The following LRATD1 variants were observed in gnomAD, a reference collection of about 807,000 sequenced individuals.
The protein encoded by LRATD1 is LRAT domain containing 1.
In LRATD1, 8 loss-of-function variants were observed where a neutral mutation model predicts 21.3. The ratio of observed to expected loss-of-function variants is 0.38; its 90% CI spans 0.22 to 0.68. The LOEUF (loss-of-function observed/expected upper bound fraction) is 0.68. Among genes scored for constraint, LRATD1 ranks in the 30% least tolerant of loss-of-function variants. The probability of loss-of-function intolerance (pLI) is 0.54; values close to 1 mark genes in which losing one functional copy is unlikely to be tolerated. For missense variants in LRATD1, 380 were observed against 404.0 expected (o/e 0.94, Z 0.51); for synonymous variants, 210 against 186.2 (o/e 1.13, Z -1.04).
At chr2:14,646,754 G>C (rs554483205) in intron 4 of LRATD1, among the ~76,000 whole-genome samples, 4 of 152,286 alleles carry the variant, frequency 2.6e-5, no homozygotes, top group Non-Finnish European at 5.9e-5. Flanking sequence ...TCTGGATGAA[G>C]GACCTATTTA....
chr2:14,647,621 C>T (rs907502486), intron 4 of LRATD1, among the ~76,000 whole-genome samples: 1 of 152,028 alleles, frequency 6.6e-6, no homozygotes, highest in Non-Finnish European at 1.5e-5. Context: ...TAAAAAGACA[C>T]TTAAGACCTT....
intron 4 of LRATD1, among the ~76,000 whole-genome samples, chr2:14,647,155 A>G (rs1396557301): frequency 2.6e-5 from 4 of 152,200 alleles, no homozygotes; most frequent in African/African-American, 9.6e-5. Context: ...TCCACCCACA[A>G]TCCTTTGTAC....
At chr2:14,649,148 T>C (rs905828453) in intron 4 of LRATD1, among the ~76,000 whole-genome samples, 4 of 152,112 alleles carry the variant, frequency 2.6e-5, no homozygotes, top group African/African-American at 9.7e-5. Context: ...TTGACCTATG[T>C]TGATAACTCT....
chr2:14,633,853 A>G lies in LRATD1; in HGVS notation c.-36-91A>G. 2 of 1,248,522 alleles carry G rather than the reference A, an allele frequency of 1.6e-6. No homozygotes were observed. The highest frequency in any genetic ancestry group is 2.2e-6 in the Non-Finnish European group (2 of 909,830). The allele number at this position is 1,248,522 out of a possible 1,614,324, so 77.3% of individuals were successfully genotyped here. On this transcript the variant is annotated intron_variant, in intron 1 of 1. Transcript: ENST00000295092. The surrounding 1 kb of genome is among the most constrained non-coding windows in gnomAD (Gnocchi z 7.5). The stretch of plus-strand genomic sequence containing the variant: ...GGTGAGGGCACGTAAGCTAGCCGGC[A>G]GGTCCCAGGGGCACTGCACGTCTTG...
rs1157295782 is a variant in LRATD1, at chr2:14,636,657, A to G, written c.*1799A>G. On this transcript the variant is annotated 3_prime_UTR_variant, in exon 2 of 2. Coordinates refer to ENST00000295092, the MANE Select transcript of LRATD1 (RefSeq NM_145175.4). ...ATAGCATCTATGTCTCTTTCAAGGG[A>G]ATTTGTCAAATAATGCTGTTTAGCT... 6.0e-6 allele frequency: 1 copy of G among 167,140 alleles called. No individual in the cohort carries two copies. The highest frequency in any genetic ancestry group is 1.5e-5 in the Non-Finnish European group (1 of 68,124). The allele number at this position is 167,140 out of a possible 1,614,324, so 10.4% of individuals were successfully genotyped here. A position where few individuals can be genotyped will look rare whatever the true frequency, so the allele number is the denominator to read the frequency against.
rs1184418149 is a variant in LRATD1, at chr2:14,637,188, T to G, written c.*2330T>G. 1 of 167,080 alleles carries G rather than the reference T, an allele frequency of 6.0e-6. No homozygotes were observed. The highest frequency in any genetic ancestry group is 1.9e-4 in the East Asian group (1 of 5,204). The allele number at this position is 167,080 out of a possible 1,614,324, so 10.3% of individuals were successfully genotyped here. ...TTTACTGTGTCCTACTACTGTATCT[T>G]GGCTCCCTGCTGTATTAAACACCAT... On this transcript the variant is annotated 3_prime_UTR_variant, in exon 2 of 2. Transcript: ENST00000295092.
In LRATD1 at chr2:14,633,955, T is replaced by C; in HGVS notation, c.-25T>C. The C allele has an allele frequency of 6.9e-6, 11 of 1,598,966 alleles. No individual in the cohort carries two copies. Among genetic ancestry groups the C allele is most frequent in the Non-Finnish European group, 9.4e-6 (11 of 1,169,810 alleles). On this transcript the variant is annotated 5_prime_UTR_variant, in exon 2 of 2. Transcript: ENST00000295092. The surrounding 1 kb of genome is among the most constrained non-coding windows in gnomAD (Gnocchi z 7.5). ...CTGTGCCTCCGCAGATCCCCGCTCC[T>C]GGCCCTCGCCTCGCCACCTCATTGA...
chr2:14,646,594 GA>G (rs1284815897), intron 4 of LRATD1: 2 of 152,138 alleles, frequency 1.3e-5, no homozygotes, highest in Admixed American at 6.6e-5. Flanking sequence ...CTTTTAATAA[GA>G]AGTTAAATAT....
intron 2 of LRATD1, among the ~76,000 whole-genome samples, chr2:14,645,473 T>C (rs1671878096): frequency 6.6e-6 from 1 of 152,190 alleles, no homozygotes; most frequent in Non-Finnish European, 1.5e-5. Context: ...CCATTTACAG[T>C]GTAAAAACCC....
intron 4 of LRATD1, among the ~76,000 whole-genome samples, chr2:14,648,607 C>A (rs1054989850): frequency 2.0e-5 from 3 of 152,210 alleles, no homozygotes; most frequent in Admixed American, 6.5e-5. Flanking sequence ...CTTTGTCAAA[C>A]CCCTGTAAAC....
chr2:14,634,030 C>G lies in LRATD1; in HGVS notation c.51C>G (p.Pro17=), dbSNP rs1350225928. The G allele has an allele frequency of 5.0e-6, 8 of 1,613,974 alleles. No homozygotes were observed. The highest frequency in any genetic ancestry group is 2.2e-5 in the East Asian group (1 of 44,864). The stretch of plus-strand genomic sequence containing the variant: ...CCCACCTCAACTACAGCGAGTTGCC[C>G]ACAGGGGACCCGTCGGGGATTGAAA... The part of the protein sequence containing the change: ...RITHLNYSEL[P]TGDPSGIEKD... The change falls in exon 2 of 2, where the codon CCC becomes CCG. Residue 17 remains proline (P), a synonymous_variant. Coordinates refer to ENST00000295092, the MANE Select transcript of LRATD1 (RefSeq NM_145175.4).
rs892565200 is a variant in LRATD1 at position 14,635,609 on chromosome 2, G to A, written c.*751G>A. 10 of 471,008 alleles carry A rather than the reference G, an allele frequency of 2.1e-5. No homozygotes were observed. The Admixed American group carries it at 2.3e-4, about 11-fold the overall frequency. 29.2% of individuals were successfully genotyped at this position (471,008 alleles called of 1,614,324 possible). On this transcript the variant is annotated 3_prime_UTR_variant, in exon 2 of 2. Transcript: ENST00000295092. ...TCCCTCGCTGGCAGAAGGGAAGCCGGCCCGGTCCCGGGAGGAAGATGGCGC... is the reference window on the plus strand; with the variant it reads ...TCCCTCGCTGGCAGAAGGGAAGCCGACCCGGTCCCGGGAGGAAGATGGCGC...
At chr2:14,649,651 C>CT (rs745325022), downstream of LRATD1, 27 of 289,302 alleles carry the variant, frequency 9.3e-5, 1 homozygote, top group South Asian at 7.8e-4. Flanking sequence ...TACTGAAGCC[C>CT]TTTGTGCTAG....
rs1378173921 is a variant in LRATD1, at chr2:14,647,651, C to T, written n.436+1186C>T. Among the ~76,000 whole-genome samples the T allele has an allele frequency of 4.6e-5, 7 of 151,946 alleles. No homozygotes were observed. The East Asian group carries it at 1.4e-3, about 29-fold the overall frequency. On this transcript the variant is annotated intron_variant and non_coding_transcript_variant, in intron 4 of 5. Transcript: ENST00000464947. ...GACCTTGCTTTTTCTCTCTATTAGC[C>T]ATGTGAGGATACAATGAGAATATAG... is the stretch of plus-strand genomic sequence containing the variant.
At position 14,637,450 on chromosome 2, in the gene LRATD1, G is replaced by A. The variant is rs1164329764; in HGVS notation, c.*2592G>A. Reference sequence around the variant, plus strand: ...TAGACTGACAATAAAAATGAGCTGGGCAGTTAAATTAGCATTTGTTACTAT... The same window carrying A: ...TAGACTGACAATAAAAATGAGCTGGACAGTTAAATTAGCATTTGTTACTAT... On this transcript the variant is annotated 3_prime_UTR_variant, in exon 2 of 2. Transcript: ENST00000295092. 1 of 166,920 alleles carries A rather than the reference G, an allele frequency of 6.0e-6. No homozygotes were observed. Among genetic ancestry groups the A allele is most frequent in the East Asian group, 1.9e-4 (1 of 5,196 alleles). 10.3% of individuals were successfully genotyped at this position (166,920 alleles called of 1,614,324 possible).
At position 14,634,590 on chromosome 2, in the gene LRATD1, G is replaced by A; in HGVS notation, c.611G>A (p.Ser204Asn). ...QNACGHLGLKSEEICWTNSES... is the reference protein window; with the variant it reads ...QNACGHLGLKNEEICWTNSES... Reference sequence around the variant, plus strand: ...GCCTGCGGCCACCTGGGCCTCAAGAGCGAGGAGATCTGCTGGACGAACTCG... The same window carrying A: ...GCCTGCGGCCACCTGGGCCTCAAGAACGAGGAGATCTGCTGGACGAACTCG... Residue 204 changes from serine to asparagine, a missense_variant, in exon 2 of 2, where the codon AGC (serine) becomes AAC (asparagine). Ser to Asn is a conservative substitution (Grantham distance 46, BLOSUM62 1). Transcript: ENST00000295092. 6.7e-7 allele frequency: 1 copy of A among 1,502,540 alleles called. No individual in the cohort carries two copies. The highest frequency in any genetic ancestry group is 8.9e-7 in the Non-Finnish European group (1 of 1,122,744). 93.1% of individuals were successfully genotyped at this position (1,502,540 alleles called of 1,614,324 possible).
At position 14,635,910 on chromosome 2, in the gene LRATD1, G is replaced by T. The variant is rs1341534977; in HGVS notation, c.*1052G>T. 2 of 297,622 alleles carry T rather than the reference G, an allele frequency of 6.7e-6. No homozygotes were observed. The highest frequency in any genetic ancestry group is 4.3e-5 in the African/African-American group (2 of 46,126). The allele number at this position is 297,622 out of a possible 1,614,324, so 18.4% of individuals were successfully genotyped here. On this transcript the variant is annotated 3_prime_UTR_variant, in exon 2 of 2. Coordinates refer to ENST00000295092, the MANE Select transcript of LRATD1 (RefSeq NM_145175.4). ...TAACATAGAAATCTTCAAAGCTGGG[G>T]AAGTGGAAATAAAGTTTTAAAAATG...
rs1259115493 is a variant in LRATD1 at position 14,634,825 on chromosome 2, G to A, written c.846G>A (p.Gln282=). The A allele has an allele frequency of 6.2e-7, 1 of 1,609,618 alleles. No homozygotes were observed. Among genetic ancestry groups the A allele is most frequent in the East Asian group, 2.2e-5 (1 of 44,752 alleles). The change falls in exon 2 of 2, where the codon CAG becomes CAA. Residue 282 remains glutamine, a synonymous_variant. Coordinates refer to ENST00000295092, the MANE Select transcript of LRATD1 (RefSeq NM_145175.4). ...IDASGRLRVL[Q]ELADLVDDKE ...CCAGCGGCCGCCTGCGAGTGCTCCA[G>A]GAGCTCGCCGACCTCGTGGACGACA...
Position 14,638,246 on chromosome 2 carries a change from A to T in LRATD1, c.*3388A>T, listed in dbSNP as rs1166827444. On this transcript the variant is annotated 3_prime_UTR_variant, in exon 2 of 2. Coordinates refer to ENST00000295092, the MANE Select transcript of LRATD1 (RefSeq NM_145175.4). The stretch of plus-strand genomic sequence containing the variant: ...AAAAAAAAAAAAAACTATAGAATTT[A>T]CGTATGTTACATTTTTAAGTATGAG... 2 of 163,276 alleles carry T rather than the reference A, an allele frequency of 1.2e-5. No homozygotes were observed. Among genetic ancestry groups the T allele is most frequent in the Admixed American group, 1.3e-4 (2 of 14,910 alleles). 10.1% of individuals were successfully genotyped at this position (163,276 alleles called of 1,614,324 possible).
Sources: gnomAD v4.1 joint callset for allele counts (sites outside exome capture counted in the v4.1 genomes callset) on GRCh38, gnomAD v4.1.1 for gene constraint, Gnocchi (gnomAD v3.1) non-coding constraint, MANE v1.5 for transcripts, NCBI Gene and HGNC (gene_info 2026-07-23, HGNC 2026-07-21) for gene names.